The following ADD3 variants were observed in gnomAD, a reference collection of about 807,000 sequenced individuals.
ADD3 encodes adducin 3, also known as gamma-adducin.
Under a neutral mutation model 80.2 loss-of-function variants are expected in ADD3, and 25 were observed. That is an observed-to-expected ratio of 0.31 (90% CI 0.23 to 0.44). ADD3 has a LOEUF of 0.44. Among genes scored for constraint, ADD3 ranks in the 20% least tolerant of loss-of-function variants. ADD3 has a pLI of 1.00. For missense variants in ADD3, 829 were observed against 847.5 expected, an observed-to-expected ratio of 0.98 and a Z score of 0.27; for synonymous variants, 284 against 289.6, an observed-to-expected ratio of 0.98 and a Z score of 0.20.
intron 1 of ADD3, among the ~76,000 whole-genome samples, chr10:110,097,125 T>C (rs1310582846): frequency 6.6e-6 from 1 of 152,268 alleles, no homozygotes; most frequent in Non-Finnish European, 1.5e-5. Flanking sequence ...TTAACAGTTA[T>C]ACAATGTTAC....
Position 110,122,406 on chromosome 10 carries a change from A to G in ADD3, c.1143+114A>G, listed in dbSNP as rs149311015. The G allele has an allele frequency of 5.8e-5, 52 of 900,000 alleles. No homozygotes were observed. The African/African-American group carries it at 8.0e-4, about 14-fold the overall frequency. 55.8% of individuals were successfully genotyped at this position (900,000 alleles called of 1,614,324 possible). A position where few individuals can be genotyped will look rare whatever the true frequency, so the allele number is the denominator to read the frequency against. On this transcript the variant is annotated intron_variant, in intron 9 of 14. Coordinates refer to ENST00000356080, the MANE Select transcript of ADD3 (RefSeq NM_016824.5). ...TCTTCCAGAAGCTGAGTTTGGCCCT[A>G]GGAAAGCATTTCATTGTTATTTAAC...
intron 1 of ADD3, among the ~76,000 whole-genome samples, chr10:110,052,999 A>G (rs1194019542): frequency 6.6e-6 from 1 of 152,250 alleles, no homozygotes; most frequent in Non-Finnish European, 1.5e-5. Context: ...TACCTGGTTT[A>G]GAAAATGGAA....
At chr10:110,032,500 A>G (rs1855164131) in intron 1 of ADD3, among the ~76,000 whole-genome samples, 2 of 152,242 alleles carry the variant, frequency 1.3e-5, no homozygotes, top group Admixed American at 6.5e-5. Context: ...CAGCAGGGAT[A>G]CTTGGGCAAA....
chr10:110,134,438 C>T lies in ADD3; in HGVS notation c.*820C>T, dbSNP rs1345521954. ...TCACAGTAGAGCATACTTAAGGCTG[C>T]TTGGTACTGAGTATACTTAAATATA... On this transcript the variant is annotated 3_prime_UTR_variant, in exon 15 of 15. Transcript: ENST00000356080. The T allele has an allele frequency of 1.3e-5, 2 of 152,484 alleles. No individual in the cohort carries two copies. The highest frequency in any genetic ancestry group is 2.9e-5 in the Non-Finnish European group (2 of 67,994). The allele number at this position is 152,484 out of a possible 1,614,324, so 9.4% of individuals were successfully genotyped here.
At chr10:110,030,699 A>G (rs1348451459) in intron 1 of ADD3, among the ~76,000 whole-genome samples, 2 of 151,704 alleles carry the variant, frequency 1.3e-5, no homozygotes, top group East Asian at 3.8e-4. Flanking sequence ...ATGTGCTGCA[A>G]TTATAAAAAT....
intron 1 of ADD3, among the ~76,000 whole-genome samples, chr10:110,039,564 C>T (rs1376257045): frequency 2.0e-5 from 3 of 152,166 alleles, no homozygotes; most frequent in Non-Finnish European, 4.4e-5. Context: ...AGTGAGCACC[C>T]TGTTTAAAGA....
At position 110,119,365 on chromosome 10, in the gene ADD3, G is replaced by C; in HGVS notation, c.861+11G>C. The C allele has an allele frequency of 6.2e-7, 1 of 1,613,856 alleles. No individual in the cohort carries two copies. The highest frequency in any genetic ancestry group is 8.5e-7 in the Non-Finnish European group (1 of 1,179,846). On this transcript the variant is annotated intron_variant, in intron 7 of 14. Transcript: ENST00000356080. The stretch of plus-strand genomic sequence containing the variant: ...GGACCAAGTTGTAAGGTATGTAGTA[G>C]AGTTTGTCTAAGGAGCTATTTTTGT...
intron 1 of ADD3, among the ~76,000 whole-genome samples, chr10:110,025,533 T>C (rs182332115): frequency 3.0e-4 from 46 of 151,862 alleles, no homozygotes; most frequent in Admixed American, 7.2e-4. Context: ...TTCTGTTATA[T>C]GAGTAGACGT....
At chr10:110,068,885 T>G (rs1844321715) in intron 1 of ADD3, among the ~76,000 whole-genome samples, 1 of 152,062 alleles carries the variant, frequency 6.6e-6, no homozygotes, top group Non-Finnish European at 1.5e-5. Flanking sequence ...GAGATCAGCC[T>G]GGGCAACGTG....
intron 1 of ADD3, among the ~76,000 whole-genome samples, chr10:110,008,718 T>A (rs747205852): frequency 3.3e-5 from 5 of 152,150 alleles, no homozygotes. Context: ...GTTCCTGCGC[T>A]TAGAAAAGGT....
chr10:110,079,427 TGAGAGAGAGAGAGAGAGAGA>T (rs60960051), intron 1 of ADD3: 1 of 122,580 alleles, frequency 8.2e-6, no homozygotes, highest in Non-Finnish European at 1.7e-5. Flanking sequence ...AAAAAAATGA[TGAGAGAGAGAGAGAGAGAGA>T]GAGAGAGAGA....
chr10:110,113,203 A>T (rs1185508505), intron 3 of ADD3, among the ~76,000 whole-genome samples: 1 of 152,280 alleles, frequency 6.6e-6, no homozygotes, highest in East Asian at 1.9e-4. Context: ...GCTTGAGCCC[A>T]GGAGTTCGAG....
At chr10:110,076,863 A>C (rs898395434) in intron 1 of ADD3, 5 of 152,164 alleles carry the variant, frequency 3.3e-5, no homozygotes, top group Non-Finnish European at 4.4e-5. Context: ...ACTCTCCCCC[A>C]CTTTTTTAGG....
At chr10:110,044,282 T>C (rs1334170942) in intron 1 of ADD3, among the ~76,000 whole-genome samples, 1 of 152,238 alleles carries the variant, frequency 6.6e-6, no homozygotes, top group East Asian at 1.9e-4. Context: ...ATAGATTGAT[T>C]ATATTAGGAC....
rs1214677945 is a variant in ADD3, at chr10:110,119,260, T to G, written c.767T>G (p.Leu256Arg). 2 of 1,614,170 alleles carry G rather than the reference T, an allele frequency of 1.2e-6. No individual in the cohort carries two copies. The highest frequency in any genetic ancestry group is 2.2e-5 in the South Asian group (2 of 91,082). ...GILPISQESLLLGDVAYYDYQ... is the reference protein window; with the variant it reads ...GILPISQESLRLGDVAYYDYQ... ...CTTCCAATTTCTCAAGAGTCTCTTC[T>G]TCTGGGAGATGTTGCCTATTATGAC... The change falls in exon 7 of 15, where the codon CTT becomes CGT. Residue 256 changes from leucine to arginine, a missense_variant. Transcript: ENST00000356080.
At chr10:110,006,312 G>A (rs1851630319), upstream of ADD3, among the ~76,000 whole-genome samples, 1 of 152,116 alleles carries the variant, frequency 6.6e-6, no homozygotes, top group Non-Finnish European at 1.5e-5. Context: ...ATATAGTGAG[G>A]ACTATATTCT....
chr10:110,108,509 A>G (rs575380537), intron 2 of ADD3, among the ~76,000 whole-genome samples: 43 of 152,300 alleles, frequency 2.8e-4, no homozygotes, highest in African/African-American at 9.1e-4. Context: ...TATATCAACT[A>G]TAAAGGATTA....
upstream of ADD3, among the ~76,000 whole-genome samples, chr10:110,007,582 G>A (rs1363122876): frequency 2.6e-5 from 4 of 152,184 alleles, no homozygotes; most frequent in Middle Eastern, 3.2e-3. Context: ...CTGGCCCTCC[G>A]GGGACGCCGC....
intron 2 of ADD3, among the ~76,000 whole-genome samples, chr10:110,102,254 A>G (rs1391933055): frequency 3.5e-5 from 5 of 143,456 alleles, no homozygotes; most frequent in Admixed American, 6.6e-5. Context: ...AGAGCACATT[A>G]ATTATTTAGA....
Sources: allele counts gnomAD v4.1 joint callset (sites outside exome capture counted in the v4.1 genomes callset), GRCh38; gene constraint gnomAD v4.1.1; transcripts MANE v1.5; gene names NCBI Gene and HGNC (gene_info 2026-07-23, HGNC 2026-07-21).